Variants in CFAP47 observed in about 807,000 individuals in gnomAD.
CFAP47 encodes cilia- and flagella-associated protein 47.
Under a neutral mutation model 148.1 loss-of-function variants are expected in CFAP47, and 29 were observed. The observed-to-expected ratio is 0.20, with a 90% confidence interval of 0.15 to 0.27. CFAP47 has a LOEUF of 0.27. CFAP47 is among the 10% of genes least tolerant of loss of function. The pLI is 1.00. For missense variants in CFAP47, 1,872 were observed against 1,697.5 expected (o/e 1.10, Z -1.81); for synonymous variants, 664 against 577.3 (o/e 1.15, Z -2.15).
intron 39 of CFAP47, among the ~76,000 whole-genome samples, chrX:36,175,963 G>A (rs915008322): frequency 5.3e-5 from 6 of 112,611 alleles, no homozygotes; most frequent in East Asian, 2.8e-4. Flanking sequence ...CTCCGTGGGC[G>A]TAGGACCCTC....
intron 26 of CFAP47, among the ~76,000 whole-genome samples, chrX:36,057,191 A>G (rs781288966): frequency 9.0e-6 from 1 of 111,562 alleles, no homozygotes; most frequent in African/African-American, 3.3e-5. Context: ...TACATGCTGT[A>G]TGCTTATCTT....
intron 33 of CFAP47, among the ~76,000 whole-genome samples, chrX:36,128,846 T>C (rs1938893101): frequency 9.0e-6 from 1 of 110,919 alleles, no homozygotes; most frequent in African/African-American, 3.3e-5. Context: ...AAATTATTTT[T>C]ATTTAACTTA....
chrX:36,063,337 T>A (rs1937609645), intron 26 of CFAP47, among the ~76,000 whole-genome samples: 1 of 111,707 alleles, frequency 9.0e-6, no homozygotes. Flanking sequence ...CTATTGGTAC[T>A]ACCAACTGTA....
At chrX:36,082,660 C>T (rs1302597100) in intron 29 of CFAP47, among the ~76,000 whole-genome samples, 1 of 111,000 alleles carries the variant, frequency 9.0e-6, no homozygotes, top group Non-Finnish European at 1.9e-5. Flanking sequence ...AACAACACAT[C>T]CTAGAATGCC....
At chrX:36,282,068 A>G (rs1003261875) in intron 50 of CFAP47, among the ~76,000 whole-genome samples, 2 of 111,538 alleles carry the variant, frequency 1.8e-5, no homozygotes, top group Non-Finnish European at 3.8e-5. Flanking sequence ...GAAAGAAAAA[A>G]GTTTTGGAGA....
chrX:36,116,581 G>C (rs62590701), intron 33 of CFAP47, among the ~76,000 whole-genome samples: 34,066 of 111,086 alleles, frequency 0.31, 4,714 homozygotes, highest in East Asian at 0.7. Flanking sequence ...TTTTAAAGCA[G>C]TGTGGAATAG....
At chrX:36,053,068 A>C in intron 26 of CFAP47, among the ~76,000 whole-genome samples, 1 of 112,056 alleles carries the variant, frequency 8.9e-6, no homozygotes, top group Admixed American at 9.5e-5. Flanking sequence ...GTAAACTAAT[A>C]CCTGCTTTTT....
At chrX:35,936,410 G>T (rs1935911343) in intron 2 of CFAP47, among the ~76,000 whole-genome samples, 1 of 103,356 alleles carries the variant, frequency 9.7e-6, no homozygotes, top group Non-Finnish European at 2.0e-5. Flanking sequence ...TTATTCATTA[G>T]TTTCAAAAAA....
At chrX:35,999,424 G>A (rs1936888415) in intron 19 of CFAP47, among the ~76,000 whole-genome samples, 1 of 111,913 alleles carries the variant, frequency 8.9e-6, no homozygotes, top group Non-Finnish European at 1.9e-5. Flanking sequence ...CCTTGTGTGT[G>A]AGCTACAGCT....
chrX:36,279,761 G>C (rs1941057427), intron 49 of CFAP47, among the ~76,000 whole-genome samples: 1 of 111,384 alleles, frequency 9.0e-6, no homozygotes, highest in Non-Finnish European at 1.9e-5. Context: ...ATGGAGTACA[G>C]TGGTGCCATC....
At chrX:35,937,080 C>T (rs1486609185) in intron 2 of CFAP47, among the ~76,000 whole-genome samples, 2 of 98,110 alleles carry the variant, frequency 2.0e-5, no homozygotes, top group Admixed American at 2.3e-4. Context: ...AGAGGCTTTT[C>T]AGATATAGCT....
chrX:36,049,014 T>C (rs900846777), intron 26 of CFAP47, among the ~76,000 whole-genome samples: 7 of 110,825 alleles, frequency 6.3e-5, no homozygotes, highest in African/African-American at 9.9e-5. Context: ...GAGTGAGAAA[T>C]AGGGTGAGAA....
At chrX:35,938,200 T>A (rs1401312941) in intron 2 of CFAP47, among the ~76,000 whole-genome samples, 1 of 111,473 alleles carries the variant, frequency 9.0e-6, no homozygotes, top group Non-Finnish European at 1.9e-5. Flanking sequence ...CTTTTCCTCT[T>A]AAATTTGTAG....
intron 29 of CFAP47, among the ~76,000 whole-genome samples, chrX:36,078,268 C>A (rs1026719323): frequency 9.0e-6 from 1 of 110,592 alleles, no homozygotes; most frequent in Non-Finnish European, 1.9e-5. Context: ...TGTTAATCTT[C>A]GGTCTCGTAG....
intron 45 of CFAP47, among the ~76,000 whole-genome samples, chrX:36,213,995 TCATG>T (rs1365395507): frequency 9.0e-6 from 1 of 111,532 alleles, no homozygotes; most frequent in Non-Finnish European, 1.9e-5. Context: ...GTGAATACAA[TCATG>T]CATGGCTTAA....
chrX:36,149,412 A>C (rs1470921188), intron 37 of CFAP47, among the ~76,000 whole-genome samples, 189 bp downstream of exon 37: 1 of 110,799 alleles, frequency 9.0e-6, no homozygotes, highest in Non-Finnish European at 1.9e-5. Flanking sequence ...TTCTAACAAC[A>C]TAAAACAGCT....
Position 36,253,469 on chromosome X carries a change from A to C in CFAP47, c.7444+2025A>C, listed in dbSNP as rs782499664. 2.7e-4 allele frequency among the ~76,000 whole-genome samples: 30 copies of C among 111,625 alleles called. 1 individual carries two copies. The highest frequency in any genetic ancestry group is 4.7e-4 in the Non-Finnish European group (25 of 53,053). On this transcript the variant is annotated intron_variant, in intron 49 of 63. Coordinates refer to ENST00000378653, the MANE Select transcript of CFAP47 (RefSeq NM_001304548.2). ...AACAGCTGCTAACTAATCTGAAGTG[A>C]TATAAAGAAAGCTAGATTATAAAAA...
At chrX:36,330,164 T>C (rs1474022062) in intron 57 of CFAP47, among the ~76,000 whole-genome samples, 1 of 112,015 alleles carries the variant, frequency 8.9e-6, no homozygotes, top group African/African-American at 3.2e-5. Flanking sequence ...AATTTTATTA[T>C]CTATCTTCCA....
rs933761130 is a variant in CFAP47 at position 35,950,161 on chromosome X, A to C, written c.657-970A>C. Among the ~76,000 whole-genome samples, 3 of 111,637 alleles carry C rather than the reference A, an allele frequency of 2.7e-5. No individual in the cohort carries two copies. The East Asian group carries it at 8.5e-4, about 31-fold the overall frequency. ...TAAGGGAGGAGCAATTCAATGCCCA[A>C]TGTTATAGGATATAGTGTAAGATAA... On this transcript the variant is annotated intron_variant, in intron 4 of 63. Transcript: ENST00000378653.
Sources: gnomAD v4.1 joint callset for allele counts (sites outside exome capture counted in the v4.1 genomes callset) on GRCh38, gnomAD v4.1.1 for gene constraint, MANE v1.5 for transcripts, NCBI Gene and HGNC (gene_info 2026-07-23, HGNC 2026-07-21) for gene names.